TCP11L2: variants seen among roughly 807,000 people sequenced by gnomAD.
TCP11L2 encodes the protein T-complex protein 11-like protein 2.
Under a neutral mutation model 50.7 loss-of-function variants are expected in TCP11L2, and 39 were observed. The ratio of observed to expected loss-of-function variants is 0.77; its 90% CI spans 0.60 to 1.01. The LOEUF (loss-of-function observed/expected upper bound fraction) is 1.01. TCP11L2 is among the 50% of genes least tolerant of loss of function. TCP11L2 has a pLI of 0.00. For synonymous variants in TCP11L2, 192 were observed against 219.3 expected, an observed-to-expected ratio of 0.88 and a Z score of 1.10; for missense variants, 612 against 614.7, an observed-to-expected ratio of 1.00 and a Z score of 0.05.
Position 106,314,576 on chromosome 12 carries a change from T to TGA in TCP11L2, c.293+108_293+109dup, listed in dbSNP as rs71072670. 7.3e-3 allele frequency: 2,062 copies of TGA among 281,142 alleles called. 18 individuals carry two copies. The highest frequency in any genetic ancestry group is 0.064 in the East Asian group (771 of 12,070). 17.4% of individuals were successfully genotyped at this position (281,142 alleles called of 1,614,324 possible). On this transcript the variant is annotated intron_variant, in intron 3 of 9. Transcript: ENST00000299045. ...GTGTGTGTGTGTGTGTGTGTGTGTG[T>TGA]GAGAGAGAGAGAGAGAGAGAGAGAG...
At chr12:106,329,608 C>G (rs1434337571) in intron 6 of TCP11L2, 1 of 1,340,726 alleles carries the variant, frequency 7.5e-7, no homozygotes, top group African/African-American at 1.5e-5. Flanking sequence ...TCTTTTTTTC[C>G]TTTTTAAAGC....
chr12:106,314,566 TGTGTGTGTGTGAGAGAGAGA>T, intron 3 of TCP11L2, 73 bp downstream of exon 3: 1 of 994,150 alleles, frequency 1.0e-6, no homozygotes, highest in Non-Finnish European at 1.5e-6. Context: ...TGTGTGTGTG[TGTGTGTGTGTGAGAGAGAGA>T]GAGAGAGAGA....
At chr12:106,317,862 CA>C in intron 3 of TCP11L2, among the ~76,000 whole-genome samples, 1 of 152,188 alleles carries the variant, frequency 6.6e-6, no homozygotes, top group South Asian at 2.1e-4. Flanking sequence ...TCTATTTCAC[CA>C]GTTTGGTCTG....
At chr12:106,316,332 C>A (rs2136667333) in intron 3 of TCP11L2, among the ~76,000 whole-genome samples, 1 of 152,312 alleles carries the variant, frequency 6.6e-6, no homozygotes, top group East Asian at 1.9e-4. Context: ...ATGGTTTTCA[C>A]TTACTCAGAG....
intron 3 of TCP11L2, among the ~76,000 whole-genome samples, chr12:106,315,233 AAAAAAC>A (rs1345332322): frequency 3.3e-5 from 5 of 152,020 alleles, no homozygotes; most frequent in East Asian, 1.9e-4. Context: ...ACTCCGTCTC[AAAAAAC>A]AAAAACAAAA....
At position 106,321,473 on chromosome 12, in the gene TCP11L2, T is replaced by C. The variant is rs1337534092; in HGVS notation, c.415-13T>C. ...CATCATGATGCTGTTAATTTTTATT[T>C]CTTTCCCTGTAGATTCTTCTCTCTT... On this transcript the variant is annotated splice_polypyrimidine_tract_variant and intron_variant, in intron 4 of 9. Coordinates refer to ENST00000299045, the MANE Select transcript of TCP11L2 (RefSeq NM_152772.3). 1 of 1,599,562 alleles carries C rather than the reference T, an allele frequency of 6.3e-7. No individual in the cohort carries two copies.
At chr12:106,311,432 A>G (rs2034850816) in intron 2 of TCP11L2, among the ~76,000 whole-genome samples, 200 bp downstream of exon 2, 1 of 152,084 alleles carries the variant, frequency 6.6e-6, no homozygotes, top group Middle Eastern at 3.2e-3. Context: ...GCTGATTTTT[A>G]TTTTGATCAC....
At chr12:106,304,556 A>T (rs904614) in intron 1 of TCP11L2, among the ~76,000 whole-genome samples, 1 of 152,094 alleles carries the variant, frequency 6.6e-6, no homozygotes, top group Non-Finnish European at 1.5e-5. Flanking sequence ...CATCATCTGC[A>T]ATTTTTTTCT....
At chr12:106,321,388 A>C in intron 4 of TCP11L2, 98 bp from the exon 5 acceptor site, 2 of 1,061,738 alleles carry the variant, frequency 1.9e-6, no homozygotes, top group South Asian at 3.0e-5. Flanking sequence ...GAGGCACTAA[A>C]ATGTGGGCAA....
chr12:106,328,414 C>T (rs963681063), intron 6 of TCP11L2, among the ~76,000 whole-genome samples: 7 of 152,134 alleles, frequency 4.6e-5, no homozygotes, highest in Non-Finnish European at 8.8e-5. Context: ...TGTGGTGGCG[C>T]GTGCCTGTGA....
chr12:106,329,546 G>C, intron 6 of TCP11L2: 1 of 1,435,684 alleles, frequency 7.0e-7, no homozygotes, highest in Non-Finnish European at 9.1e-7. Flanking sequence ...AGAGGCCTGA[G>C]CCCTGCCTCA....
chr12:106,327,488 T>G (rs955945827), intron 6 of TCP11L2, among the ~76,000 whole-genome samples: 4 of 152,236 alleles, frequency 2.6e-5, no homozygotes, highest in African/African-American at 9.6e-5. Context: ...CTTGCTTCTC[T>G]TTTTAAAACC....
At chr12:106,320,156 T>C (rs1040781535) in intron 4 of TCP11L2, among the ~76,000 whole-genome samples, 1 of 152,182 alleles carries the variant, frequency 6.6e-6, no homozygotes, top group Non-Finnish European at 1.5e-5. Context: ...ATCCCAGAAC[T>C]TTGGGAGGCC....
intron 8 of TCP11L2, among the ~76,000 whole-genome samples, chr12:106,340,056 T>C (rs1028504543): frequency 2.0e-5 from 3 of 152,228 alleles, no homozygotes; most frequent in Non-Finnish European, 2.9e-5. Context: ...TCCAACTCGC[T>C]CCGTTATACT....
At chr12:106,315,001 G>T (rs11837464) in intron 3 of TCP11L2, among the ~76,000 whole-genome samples, 1,002 of 85,386 alleles carry the variant, frequency 0.012, 12 homozygotes, top group African/African-American at 0.061. Context: ...GCAAGACCCT[G>T]TCTCAAAAAA....
intron 9 of TCP11L2, among the ~76,000 whole-genome samples, chr12:106,344,696 A>G (rs1224306267): frequency 6.6e-6 from 1 of 152,154 alleles, no homozygotes; most frequent in Non-Finnish European, 1.5e-5. Context: ...AATGTGGCAT[A>G]TTTTCCTTAG....
chr12:106,345,551 G>A (rs1304776210), intron 9 of TCP11L2, among the ~76,000 whole-genome samples: 1 of 152,146 alleles, frequency 6.6e-6, no homozygotes, highest in Non-Finnish European at 1.5e-5. Flanking sequence ...GGCCAGACTG[G>A]CAATGCCAGT....
rs2035007544 is a variant in TCP11L2 at position 106,314,589 on chromosome 12, GAGAGAGAGAGAGAC to G, written c.293+108_293+121del. 3.0e-5 allele frequency: 30 copies of G among 1,004,740 alleles called. No individual in the cohort carries two copies. The African/African-American group carries it at 4.3e-4, about 14-fold the overall frequency. The allele number at this position is 1,004,740 out of a possible 1,614,324, so 62.2% of individuals were successfully genotyped here. A position where few individuals can be genotyped will look rare whatever the true frequency, so the allele number is the denominator to read the frequency against. ...TGTGTGTGTGTGTGAGAGAGAGAGA[GAGAGAGAGAGAGAC>G]AGAGAGAGAGATAGACACATATTTA... On this transcript the variant is annotated intron_variant, in intron 3 of 9. Transcript: ENST00000299045.
intron 3 of TCP11L2, among the ~76,000 whole-genome samples, chr12:106,315,732 G>A (rs2035054215): frequency 6.6e-6 from 1 of 152,188 alleles, no homozygotes; most frequent in South Asian, 2.1e-4. Context: ...TCTAGTTGGA[G>A]CCACCCCTTT....
Sources: allele counts gnomAD v4.1 joint callset (sites outside exome capture counted in the v4.1 genomes callset), GRCh38; gene constraint gnomAD v4.1.1; transcripts MANE v1.5; gene names NCBI Gene and HGNC (gene_info 2026-07-23, HGNC 2026-07-21).